CNTN5: variants seen among roughly 807,000 people sequenced by gnomAD.
CNTN5 encodes contactin-5.
A neutral mutation model predicts 129.1 loss-of-function variants in CNTN5; 77 were observed. The observed-to-expected ratio is 0.60, with a 90% CI of 0.50 to 0.72. The LOEUF is 0.72. CNTN5 is among the 30% of genes least tolerant of loss of function. The probability of loss-of-function intolerance (pLI) is 0.00; values close to 1 mark genes in which losing one functional copy is unlikely to be tolerated. For synonymous variants in CNTN5, 509 were observed against 465.6 expected (o/e 1.09, Z -1.20); for missense variants, 1,478 against 1,328.8 (o/e 1.11, Z -1.75).
At chr11:99,401,362 G>T (rs1347643827) in intron 2 of CNTN5, among the ~76,000 whole-genome samples, 2 of 151,994 alleles carry the variant, frequency 1.3e-5, no homozygotes, top group Non-Finnish European at 2.9e-5. Flanking sequence ...TATGTTCTTG[G>T]TACCTTTGTC....
At chr11:100,141,043 A>T (rs1010353707) in intron 13 of CNTN5, among the ~76,000 whole-genome samples, 1 of 152,162 alleles carries the variant, frequency 6.6e-6, no homozygotes, top group Non-Finnish European at 1.5e-5. Context: ...CCAGGTTTCC[A>T]TTGGAACAAA....
intron 15 of CNTN5, among the ~76,000 whole-genome samples, chr11:100,201,937 C>A (rs1414943413): frequency 2.6e-5 from 4 of 151,968 alleles, no homozygotes; most frequent in Admixed American, 2.6e-4. Flanking sequence ...GATTAGTGTA[C>A]AGGGGTGATT....
intron 6 of CNTN5, among the ~76,000 whole-genome samples, chr11:99,873,741 T>A (rs1488897334): frequency 1.3e-5 from 2 of 152,126 alleles, no homozygotes; most frequent in Non-Finnish European, 2.9e-5. Flanking sequence ...ATTATTATAT[T>A]AAAAATATAT....
chr11:100,086,679 C>T (rs138922101), intron 13 of CNTN5, among the ~76,000 whole-genome samples: 1,598 of 151,250 alleles, frequency 0.011, 32 homozygotes, highest in African/African-American at 0.034. Flanking sequence ...TATGTAAGAG[C>T]TTTGTTTTAA....
intron 6 of CNTN5, among the ~76,000 whole-genome samples, chr11:99,894,108 C>T (rs1050020744): frequency 2.6e-5 from 4 of 152,028 alleles, no homozygotes; most frequent in African/African-American, 9.7e-5. Flanking sequence ...GCTATAGTGA[C>T]TGCTGTACTT....
At chr11:99,731,302 G>T (rs1288735470) in intron 3 of CNTN5, among the ~76,000 whole-genome samples, 1 of 151,684 alleles carries the variant, frequency 6.6e-6, no homozygotes, top group African/African-American at 2.4e-5. Flanking sequence ...TAGTAGAGAC[G>T]GGGTTTCACT....
chr11:99,088,332 T>C (rs1866086107), intron 1 of CNTN5, among the ~76,000 whole-genome samples: 1 of 152,194 alleles, frequency 6.6e-6, no homozygotes, highest in Non-Finnish European at 1.5e-5. Flanking sequence ...AATATGCTTA[T>C]ATGATTTTGG....
chr11:99,160,695 C>T (rs1591293959), intron 1 of CNTN5, among the ~76,000 whole-genome samples: 1 of 152,098 alleles, frequency 6.6e-6, no homozygotes. Context: ...CAAAAACTGT[C>T]TACACATATT....
intron 13 of CNTN5, among the ~76,000 whole-genome samples, chr11:100,139,720 C>A (rs148977780): frequency 6.6e-6 from 1 of 151,932 alleles, no homozygotes; most frequent in Non-Finnish European, 1.5e-5. Flanking sequence ...AAAAATTAGC[C>A]GGGTGTGATG....
chr11:100,044,898 T>C (rs1942585223), intron 9 of CNTN5, among the ~76,000 whole-genome samples: 1 of 152,138 alleles, frequency 6.6e-6, no homozygotes, highest in African/African-American at 2.4e-5. Context: ...TTAATAAACA[T>C]AGTGAGACTG....
At chr11:99,875,501 C>T (rs1948609491) in intron 6 of CNTN5, among the ~76,000 whole-genome samples, 1 of 149,966 alleles carries the variant, frequency 6.7e-6, no homozygotes, top group South Asian at 2.1e-4. Flanking sequence ...TAAATTTTCC[C>T]ATAGCACTAA....
chr11:99,157,810 A>G (rs1860408022), intron 1 of CNTN5, among the ~76,000 whole-genome samples: 1 of 152,152 alleles, frequency 6.6e-6, no homozygotes. Flanking sequence ...AGAAAACAAA[A>G]GAAAAACAAA....
At chr11:99,636,341 G>A (rs936521648) in intron 3 of CNTN5, among the ~76,000 whole-genome samples, 1 of 151,690 alleles carries the variant, frequency 6.6e-6, no homozygotes, top group African/African-American at 2.4e-5. Context: ...TTTGACATGA[G>A]CATAGAGGAA....
chr11:100,331,431 C>T (rs1951904498), intron 21 of CNTN5, among the ~76,000 whole-genome samples: 1 of 152,088 alleles, frequency 6.6e-6, no homozygotes, highest in Non-Finnish European at 1.5e-5. Context: ...GTCATCAAGA[C>T]AGAAAGTCAA....
chr11:99,976,752 T>G (rs1245760057), intron 8 of CNTN5, among the ~76,000 whole-genome samples: 1 of 152,220 alleles, frequency 6.6e-6, no homozygotes, highest in Non-Finnish European at 1.5e-5. Context: ...TTTTCCTTCT[T>G]AGCCCTGTTA....
Position 99,756,714 on chromosome 11 carries a change from A to ATG in CNTN5, c.56-62828_56-62827dup, listed in dbSNP as rs534162680. ...CTTTACAATTTTGCAGATCTTATAG[A>ATG]TGTACTTTCACTAACTCTTTCTTGC... On this transcript the variant is annotated intron_variant, in intron 3 of 24. Transcript: ENST00000524871. Among the ~76,000 whole-genome samples, 575 of 152,204 alleles carry ATG rather than the reference A, an allele frequency of 3.8e-3. 4 individuals carry two copies. The highest frequency in any genetic ancestry group is 0.013 in the African/African-American group (552 of 41,552).
intron 1 of CNTN5, among the ~76,000 whole-genome samples, chr11:99,119,554 T>G (rs1858206532): frequency 6.6e-6 from 1 of 152,196 alleles, no homozygotes; most frequent in Non-Finnish European, 1.5e-5. Flanking sequence ...GCATTCAGTT[T>G]GATTCCATGT....
chr11:100,287,870 G>A (rs543115704), intron 18 of CNTN5, among the ~76,000 whole-genome samples: 46 of 152,182 alleles, frequency 3.0e-4, no homozygotes, highest in East Asian at 2.9e-3. Flanking sequence ...CCCATCTCAC[G>A]TGCAGAAACA....
At chr11:99,463,377 A>G (rs1373609697) in intron 2 of CNTN5, among the ~76,000 whole-genome samples, 5 of 142,352 alleles carry the variant, frequency 3.5e-5, no homozygotes, top group African/African-American at 7.7e-5. Flanking sequence ...GGCGGAGCTT[A>G]CAGTGAGCCG....
Sources: allele counts gnomAD v4.1 joint callset (sites outside exome capture counted in the v4.1 genomes callset), GRCh38; gene constraint gnomAD v4.1.1; transcripts MANE v1.5; gene names NCBI Gene and HGNC (gene_info 2026-07-23, HGNC 2026-07-21).